The following STK24 variants were observed in gnomAD, a reference collection of about 807,000 sequenced individuals.
The protein encoded by STK24 is serine/threonine kinase 24, also known as serine/threonine-protein kinase 24.
A neutral mutation model predicts 55.6 loss-of-function variants in STK24; 21 were observed. That is an observed-to-expected ratio of 0.38 (90% confidence interval 0.27 to 0.54). The LOEUF is 0.54. Ranked by LOEUF, STK24 falls within the 20% of genes least tolerant of loss-of-function variation. The pLI is 0.79. For missense variants in STK24, 383 were observed against 538.4 expected (o/e 0.71, Z 2.86); for synonymous variants, 200 against 215.2 (o/e 0.93, Z 0.62).
At chr13:98,489,985 T>C (rs1467363788) in intron 2 of STK24, among the ~76,000 whole-genome samples, 1 of 152,098 alleles carries the variant, frequency 6.6e-6, no homozygotes, top group African/African-American at 2.4e-5. Context: ...CCAAAACGGT[T>C]CTAGAAGTGG....
chr13:98,544,235 C>G (rs1429077184), intron 1 of STK24, among the ~76,000 whole-genome samples: 1 of 152,226 alleles, frequency 6.6e-6, no homozygotes, highest in Admixed American at 6.5e-5. Context: ...ACTGAGAACA[C>G]AGCAGGACCT....
intron 1 of STK24, among the ~76,000 whole-genome samples, chr13:98,563,328 G>A (rs7333007): frequency 0.17 from 25,467 of 152,124 alleles, 2,196 homozygotes; most frequent in South Asian, 0.19. Flanking sequence ...AGGCAGTTGG[G>A]GGACCGAGGC....
intron 1 of STK24, among the ~76,000 whole-genome samples, chr13:98,534,760 T>C (rs1896666179): frequency 6.6e-6 from 1 of 152,182 alleles, no homozygotes; most frequent in Non-Finnish European, 1.5e-5. Context: ...CAATCTCCTA[T>C]GATTCCATCT....
intron 1 of STK24, among the ~76,000 whole-genome samples, chr13:98,541,122 G>A (rs368610621): frequency 2.6e-5 from 4 of 152,214 alleles, no homozygotes; most frequent in Non-Finnish European, 4.4e-5. Context: ...ACTAAGAGAA[G>A]TTGCTCACTA....
At chr13:98,469,544 CA>C (rs56157936) in intron 5 of STK24, among the ~76,000 whole-genome samples, 45,078 of 148,516 alleles carry the variant, frequency 0.3, 7,121 homozygotes, top group East Asian at 0.39. Context: ...TCCCCCCCCC[CA>C]AAAAAAAAAG....
intron 1 of STK24, among the ~76,000 whole-genome samples, chr13:98,568,807 T>C (rs1196966152): frequency 1.3e-5 from 2 of 152,044 alleles, no homozygotes; most frequent in Non-Finnish European, 2.9e-5. Context: ...GGGCAGATGT[T>C]GCAGTGAATG....
chr13:98,475,917 G>A (rs996878909), intron 3 of STK24, among the ~76,000 whole-genome samples: 9 of 152,172 alleles, frequency 5.9e-5, no homozygotes, highest in African/African-American at 2.2e-4. Flanking sequence ...CGCCTCTGAG[G>A]ATATCCTTGT....
chr13:98,513,274 A>G (rs1895946932), intron 2 of STK24, among the ~76,000 whole-genome samples: 1 of 152,188 alleles, frequency 6.6e-6, no homozygotes, highest in South Asian at 2.1e-4. Context: ...GGGATATTCC[A>G]AGAGTCCCAA....
chr13:98,476,326 G>A (rs11843724), intron 3 of STK24, among the ~76,000 whole-genome samples: 44 of 144,546 alleles, frequency 3.0e-4, no homozygotes, highest in African/African-American at 8.4e-4. Flanking sequence ...AGTGCTCCCC[G>A]GAACCACAGA....
rs61730897 is a variant in STK24 at position 98,446,710 on chromosome 13, C to T, written c.*6463G>A. The T allele has an allele frequency of 2.7e-3, 4,283 of 1,614,190 alleles. 105 individuals are homozygous for T. In the African/African-American group the frequency reaches 0.047, roughly 18 times the overall value. ...GCCTGCCTCTGCTCGGCTACTCGCT[C>T]ACCATCCCCTCTGAGTCCGAGAACA... is the stretch of plus-strand genomic sequence containing the variant. On this transcript the variant is annotated 3_prime_UTR_variant, in exon 11 of 11. Transcript: ENST00000539966.
intron 7 of STK24, among the ~76,000 whole-genome samples, chr13:98,462,500 T>G (rs924975876): frequency 3.9e-5 from 6 of 152,126 alleles, no homozygotes; most frequent in Non-Finnish European, 5.9e-5. Context: ...CATCCCCTGA[T>G]GCCTGTGGCC....
intron 2 of STK24, among the ~76,000 whole-genome samples, chr13:98,489,576 G>A (rs1894940900): frequency 6.6e-6 from 1 of 152,202 alleles, no homozygotes; most frequent in Non-Finnish European, 1.5e-5. Context: ...GCATCAGACA[G>A]CCAGTGGCAG....
chr13:98,534,261 T>A (rs1896653794), intron 1 of STK24, among the ~76,000 whole-genome samples: 1 of 152,166 alleles, frequency 6.6e-6, no homozygotes, highest in Non-Finnish European at 1.5e-5. Context: ...CGGTTTGAGA[T>A]GACAATGAAA....
At chr13:98,571,641 G>GT (rs571834764) in intron 1 of STK24, among the ~76,000 whole-genome samples, 78 of 152,100 alleles carry the variant, frequency 5.1e-4, no homozygotes, top group African/African-American at 1.6e-3. Context: ...TAGGTTTTTT[G>GT]TTTTTTTGAC....
chr13:98,553,965 G>C (rs1897221046), intron 1 of STK24, among the ~76,000 whole-genome samples: 1 of 151,892 alleles, frequency 6.6e-6, no homozygotes, highest in African/African-American at 2.4e-5. Context: ...CAGAGGCTGA[G>C]GCAGGAGAAC....
intron 9 of STK24, among the ~76,000 whole-genome samples, chr13:98,460,081 T>A (rs2139250573): frequency 6.6e-6 from 1 of 152,304 alleles, no homozygotes; most frequent in East Asian, 1.9e-4. Flanking sequence ...GAGCAGGCTG[T>A]ACACAATGAG....
chr13:98,552,318 C>A (rs934665021), intron 1 of STK24, among the ~76,000 whole-genome samples: 2 of 152,098 alleles, frequency 1.3e-5, no homozygotes, highest in African/African-American at 2.4e-5. Flanking sequence ...AGACCCTGGA[C>A]GCTGGGTACC....
At chr13:98,555,885 T>C (rs536281107) in intron 1 of STK24, among the ~76,000 whole-genome samples, 3 of 151,924 alleles carry the variant, frequency 2.0e-5, no homozygotes, top group Admixed American at 1.3e-4. Context: ...GGTTTCACCA[T>C]GTTAGCCAGG....
chr13:98,462,522 G>A (rs1483393274), intron 7 of STK24, among the ~76,000 whole-genome samples: 1 of 151,984 alleles, frequency 6.6e-6, no homozygotes, highest in African/African-American at 2.4e-5. Flanking sequence ...CATTAAGCCT[G>A]CACCTCCTCC....
Sources: gnomAD v4.1 joint callset for allele counts (sites outside exome capture counted in the v4.1 genomes callset) on GRCh38, gnomAD v4.1.1 for gene constraint, MANE v1.5 for transcripts, NCBI Gene and HGNC (gene_info 2026-07-23, HGNC 2026-07-21) for gene names.